The following GRIK4 variants were observed in gnomAD, a reference collection of about 807,000 sequenced individuals.
GRIK4 encodes glutamate receptor ionotropic, kainate 4.
In GRIK4, 40 loss-of-function variants were observed where a neutral mutation model predicts 104.9. The ratio of observed to expected loss-of-function variants is 0.38; its 90% CI spans 0.30 to 0.50. GRIK4 has a LOEUF of 0.50. Ranked by LOEUF, GRIK4 falls within the 20% of genes least tolerant of loss-of-function variation. GRIK4 has a pLI of 0.93. For missense variants in GRIK4, 1,047 were observed against 1,308.1 expected (o/e 0.80, Z 3.08); for synonymous variants, 485 against 524.9 (o/e 0.92, Z 1.04).
chr11:120,646,250 C>T (rs1010671299), intron 1 of GRIK4, among the ~76,000 whole-genome samples: 3 of 152,196 alleles, frequency 2.0e-5, no homozygotes, highest in Non-Finnish European at 2.9e-5. Flanking sequence ...CTGCTAAGAT[C>T]GCAGCTAATA....
Position 120,967,756 on chromosome 11 carries a change from A to G in GRIK4, c.2395+433A>G, listed in dbSNP as rs61583147. Among the ~76,000 whole-genome samples the G allele has an allele frequency of 0.019, 2,864 of 151,794 alleles. 95 individuals are homozygous for G. The highest frequency in any genetic ancestry group is 0.065 in the African/African-American group (2,673 of 41,400). On this transcript the variant is annotated intron_variant, in intron 19 of 20. Transcript: ENST00000527524. The surrounding 1 kb of genome is among the most constrained non-coding windows in gnomAD (Gnocchi z 4.2). ...CAGCATTCCCCCCACAAACCTCCCA[A>G]TGGTTTCCCATCCCACTGGGAATAA...
chr11:120,703,749 T>C (rs921818299), intron 3 of GRIK4, among the ~76,000 whole-genome samples: 1 of 152,208 alleles, frequency 6.6e-6, no homozygotes, highest in African/African-American at 2.4e-5. Flanking sequence ...ATTGTACCTA[T>C]TATTACCATT....
At chr11:120,799,286 G>A (rs1952580689) in intron 3 of GRIK4, among the ~76,000 whole-genome samples, 1 of 152,224 alleles carries the variant, frequency 6.6e-6, no homozygotes, top group African/African-American at 2.4e-5. Context: ...TCCATGGTCT[G>A]AACACCATCT....
At chr11:120,568,496 C>T (rs1948358860) in intron 1 of GRIK4, among the ~76,000 whole-genome samples, 1 of 151,980 alleles carries the variant, frequency 6.6e-6, no homozygotes, top group South Asian at 2.1e-4. Context: ...CAAGTGATTC[C>T]CCTGCTTCAG....
intron 8 of GRIK4, among the ~76,000 whole-genome samples, chr11:120,847,297 G>T (rs1243115143): frequency 6.6e-6 from 1 of 152,174 alleles, no homozygotes; most frequent in Non-Finnish European, 1.5e-5. Flanking sequence ...ACTGTGCTGT[G>T]TGCTGGGGAT....
chr11:120,775,661 TG>T (rs1952029003), intron 3 of GRIK4, among the ~76,000 whole-genome samples: 1 of 152,260 alleles, frequency 6.6e-6, no homozygotes, highest in South Asian at 2.1e-4. Context: ...AGGAAGACCT[TG>T]ACTAATACCC....
chr11:120,592,611 C>T (rs1293903582), intron 1 of GRIK4, among the ~76,000 whole-genome samples: 1 of 152,122 alleles, frequency 6.6e-6, no homozygotes. Context: ...GATTTCCTGC[C>T]TCCTCTGGCT....
chr11:120,790,652 G>A (rs1952375666), intron 3 of GRIK4, among the ~76,000 whole-genome samples: 1 of 152,220 alleles, frequency 6.6e-6, no homozygotes, highest in Admixed American at 6.5e-5. Context: ...TGGAGGGCCT[G>A]AGGGCCAGGC....
chr11:120,712,794 T>C (rs1478258714), intron 3 of GRIK4, among the ~76,000 whole-genome samples: 2 of 152,192 alleles, frequency 1.3e-5, no homozygotes, highest in African/African-American at 4.8e-5. Flanking sequence ...TTCTTCACGA[T>C]GGCCCTTTAT....
intron 2 of GRIK4, among the ~76,000 whole-genome samples, chr11:120,659,928 T>G (rs1328867225): frequency 6.6e-6 from 1 of 152,156 alleles, no homozygotes; most frequent in Non-Finnish European, 1.5e-5. Context: ...GACGGGGTTT[T>G]GCCATGTTGG....
chr11:120,750,278 T>C (rs553828516), intron 3 of GRIK4, among the ~76,000 whole-genome samples: 68 of 151,304 alleles, frequency 4.5e-4, no homozygotes, highest in African/African-American at 1.6e-3. Flanking sequence ...AAAAACAAAT[T>C]GCCAAGACAT....
chr11:120,598,884 G>A (rs1198370077), intron 1 of GRIK4, among the ~76,000 whole-genome samples: 1 of 152,178 alleles, frequency 6.6e-6, no homozygotes, highest in Non-Finnish European at 1.5e-5. Context: ...TTAATGTCCG[G>A]TTGGCCAAAG....
intron 3 of GRIK4, among the ~76,000 whole-genome samples, chr11:120,697,871 T>C (rs1377351098): frequency 2.0e-5 from 3 of 152,160 alleles, no homozygotes; most frequent in Non-Finnish European, 4.4e-5. Context: ...GTGGCCTCGA[T>C]GGAGGGTCAC....
chr11:120,836,911 TA>T, intron 8 of GRIK4, 67 bp downstream of exon 8: 1 of 1,079,316 alleles, frequency 9.3e-7, no homozygotes. Context: ...TGATGGATTA[TA>T]AGGGAAAAAG....
At chr11:120,881,456 A>G (rs1231630560) in intron 11 of GRIK4, among the ~76,000 whole-genome samples, 1 of 152,216 alleles carries the variant, frequency 6.6e-6, no homozygotes, top group African/African-American at 2.4e-5. Context: ...GGAGAGGGCC[A>G]GTAATAAGCC....
intron 8 of GRIK4, among the ~76,000 whole-genome samples, chr11:120,852,504 T>TCCTGGGAGGA (rs746219431): frequency 2.0e-5 from 3 of 152,220 alleles, no homozygotes; most frequent in Admixed American, 2.0e-4. Context: ...AGGACAGAGT[T>TCCTGGGAGGA]CCTGGGAGGA....
chr11:120,783,290 G>A (rs751317215), intron 3 of GRIK4, among the ~76,000 whole-genome samples: 1 of 152,194 alleles, frequency 6.6e-6, no homozygotes, highest in Non-Finnish European at 1.5e-5. Context: ...GAGAATGTGC[G>A]TGCATCAAAC....
chr11:120,654,934 A>G (rs1249211027), intron 2 of GRIK4, among the ~76,000 whole-genome samples: 2 of 152,180 alleles, frequency 1.3e-5, no homozygotes, highest in Admixed American at 6.5e-5. Context: ...TTCTCGGCAT[A>G]TATTACTGTG....
rs1382636983 is a variant in GRIK4 at position 120,511,858 on chromosome 11, G to A, written c.-188G>A. The A allele has an allele frequency of 1.2e-5, 4 of 345,480 alleles. No homozygotes were observed. Among genetic ancestry groups the A allele is most frequent in the East Asian group, 3.1e-4 (2 of 6,350 alleles). 21.4% of individuals were successfully genotyped at this position (345,480 alleles called of 1,614,324 possible). On this transcript the variant is annotated 5_prime_UTR_variant, in exon 1 of 21. Transcript: ENST00000527524. The stretch of plus-strand genomic sequence containing the variant: ...CCGGCCCGGCAGCGCCCGGCCCCCG[G>A]CTCAGCCCCCGGAGTGCGGAGCCGA...
Sources: allele counts gnomAD v4.1 joint callset (sites outside exome capture counted in the v4.1 genomes callset), GRCh38; gene constraint gnomAD v4.1.1; non-coding constraint Gnocchi (gnomAD v3.1); transcripts MANE v1.5; gene names NCBI Gene and HGNC (gene_info 2026-07-23, HGNC 2026-07-21).